Variants in DOCK9 observed in about 807,000 individuals in gnomAD.
DOCK9 encodes the protein dedicator of cytokinesis 9, also known as dedicator of cytokinesis protein 9.
Under a neutral mutation model 263.3 loss-of-function variants are expected in DOCK9, and 89 were observed. That is an observed-to-expected ratio of 0.34 (90% CI 0.28 to 0.40). The LOEUF (loss-of-function observed/expected upper bound fraction) is 0.40, where lower values mean the gene tolerates loss of function less well. Among genes scored for constraint, DOCK9 ranks in the 10% least tolerant of loss-of-function variants. The pLI is 1.00. For synonymous variants in DOCK9, 976 were observed against 973.1 expected (o/e 1.00, Z -0.06); for missense variants, 2,140 against 2,603.4 (o/e 0.82, Z 3.87).
At chr13:98,867,314 C>T in intron 30 of DOCK9, 111 bp downstream of exon 30, 1 of 697,900 alleles carries the variant, frequency 1.4e-6, no homozygotes, top group Non-Finnish European at 2.4e-6. Context: ...ATTAATTCAT[C>T]AATGAAAAAA....
intron 1 of DOCK9, among the ~76,000 whole-genome samples, chr13:99,053,264 C>T (rs1234281951): frequency 6.6e-6 from 1 of 152,182 alleles, no homozygotes; most frequent in East Asian, 1.9e-4. Context: ...GACAAAATTT[C>T]CTAAGCCTAT....
intron 1 of DOCK9, among the ~76,000 whole-genome samples, chr13:99,010,468 C>A (rs1472172875): frequency 6.6e-6 from 1 of 152,230 alleles, no homozygotes; most frequent in Non-Finnish European, 1.5e-5. Flanking sequence ...GCAGTACCTG[C>A]GTGTCCCATG....
At chr13:99,051,906 C>A (rs1292325640) in intron 1 of DOCK9, among the ~76,000 whole-genome samples, 4 of 143,040 alleles carry the variant, frequency 2.8e-5, no homozygotes, top group African/African-American at 7.6e-5. Context: ...TGAATTTCCT[C>A]ATAACAAATT....
intron 1 of DOCK9, among the ~76,000 whole-genome samples, chr13:99,070,616 G>A (rs1447595063): frequency 1.3e-5 from 2 of 152,168 alleles, no homozygotes; most frequent in Non-Finnish European, 2.9e-5. Context: ...TGCTTTATAT[G>A]CAATTGCTCG....
chr13:98,870,165 G>A (rs2094150116), intron 27 of DOCK9, among the ~76,000 whole-genome samples: 1 of 152,174 alleles, frequency 6.6e-6, no homozygotes, highest in South Asian at 2.1e-4. Context: ...ATGACAGCAG[G>A]CATTATATTA....
intron 2 of DOCK9, among the ~76,000 whole-genome samples, chr13:98,941,867 G>T (rs1157945277): frequency 1.3e-5 from 2 of 152,230 alleles, no homozygotes; most frequent in Non-Finnish European, 2.9e-5. Context: ...AGCAATGGAA[G>T]GGCAGTAGCA....
At chr13:98,949,656 A>G (rs1287172100) in intron 2 of DOCK9, 3 of 183,670 alleles carry the variant, frequency 1.6e-5, no homozygotes, top group Non-Finnish European at 3.4e-5. Context: ...GATACTTGAT[A>G]ATAATTCCAA....
At position 98,899,052 on chromosome 13, in the gene DOCK9, A is replaced by ATTT. The variant is rs71683157; in HGVS notation, c.1504-794_1504-792dup. 4.1e-3 allele frequency among the ~76,000 whole-genome samples: 578 copies of ATTT among 140,374 alleles called. 2 individuals carry two copies. Among genetic ancestry groups the ATTT allele is most frequent in the African/African-American group, 0.014 (531 of 38,082 alleles). The allele number at this position is 140,374 out of a possible 152,430, so 92.1% of individuals were successfully genotyped here. A position where few individuals can be genotyped will look rare whatever the true frequency, so the allele number is the denominator to read the frequency against. On this transcript the variant is annotated intron_variant, in intron 13 of 52. Coordinates refer to ENST00000682017, the MANE Select transcript of DOCK9 (RefSeq NM_001366683.2). ...AGTGAAGGGTCTTTTACATTACTTA[A>ATTT]TTTTTTTTTTTTTTTTTTTACTGAA...
At chr13:99,063,145 A>G (rs974946393) in intron 1 of DOCK9, among the ~76,000 whole-genome samples, 8 of 152,244 alleles carry the variant, frequency 5.3e-5, no homozygotes, top group African/African-American at 1.9e-4. Flanking sequence ...GAAACAAAAG[A>G]AAAGAACCAA....
chr13:99,034,640 A>T (rs1887677185), intron 1 of DOCK9, among the ~76,000 whole-genome samples: 1 of 152,168 alleles, frequency 6.6e-6, no homozygotes, highest in African/African-American at 2.4e-5. Flanking sequence ...ACACCGCAGC[A>T]CTCAACGAAC....
intron 1 of DOCK9, among the ~76,000 whole-genome samples, chr13:99,001,185 T>C (rs1244563247): frequency 6.6e-6 from 1 of 152,258 alleles, no homozygotes; most frequent in Non-Finnish European, 1.5e-5. Flanking sequence ...AAAGGGATAA[T>C]TATTTAAATA....
intron 9 of DOCK9, among the ~76,000 whole-genome samples, chr13:98,909,052 T>TC (rs533156145): frequency 3.2e-4 from 49 of 152,294 alleles, no homozygotes; most frequent in Admixed American, 8.5e-4. Flanking sequence ...AACTGGCTTT[T>TC]CCCCAGACAC....
chr13:98,999,290 G>GCACACACA lies in DOCK9; in HGVS notation c.130-43747_130-43740dup, dbSNP rs1217981239. Reference sequence around the variant, plus strand: ...AACAGATGTGTGCACGCATGCACGCGCACACACACACACACACACACACAC... The same window carrying GCACACACA: ...AACAGATGTGTGCACGCATGCACGCGCACACACACACACACACACACACACACACACAC... On this transcript the variant is annotated intron_variant, in intron 1 of 32. Coordinates refer to the DOCK9 transcript ENST00000427887. Among the ~76,000 whole-genome samples the GCACACACA allele has an allele frequency of 2.7e-5, 4 of 145,762 alleles. No individual in the cohort carries two copies. In the East Asian group the frequency reaches 8.0e-4, roughly 29 times the overall value.
intron 9 of DOCK9, among the ~76,000 whole-genome samples, chr13:98,913,151 C>T (rs149209651): frequency 1.3e-5 from 2 of 152,292 alleles, no homozygotes; most frequent in Middle Eastern, 6.8e-3. Context: ...CACTTGAGAA[C>T]AGCCATGTTG....
chr13:98,947,546 T>C (rs1457307511), intron 2 of DOCK9, among the ~76,000 whole-genome samples: 9 of 145,972 alleles, frequency 6.2e-5, no homozygotes, highest in African/African-American at 1.0e-4. Flanking sequence ...TTCACTCTCA[T>C]TGCTTAGGCT....
At chr13:98,960,557 A>C (rs2058520506) in intron 1 of DOCK9, among the ~76,000 whole-genome samples, 1 of 152,174 alleles carries the variant, frequency 6.6e-6, no homozygotes. Flanking sequence ...TCAGTCCACA[A>C]ATAGTCCATA....
At chr13:99,085,182 T>G in intron 1 of DOCK9, among the ~76,000 whole-genome samples, 1 of 152,178 alleles carries the variant, frequency 6.6e-6, no homozygotes, top group East Asian at 1.9e-4. Context: ...TCCGCCCCTG[T>G]GTTAAGGGGC....
chr13:98,973,153 T>C (rs2059906696), intron 1 of DOCK9, among the ~76,000 whole-genome samples: 1 of 152,228 alleles, frequency 6.6e-6, no homozygotes, highest in Non-Finnish European at 1.5e-5. Flanking sequence ...AATATCATTA[T>C]CTTTTTCTAA....
chr13:98,897,643 T>C, intron 14 of DOCK9, 33 bp from the exon 15 acceptor site: 10 of 1,607,072 alleles, frequency 6.2e-6, no homozygotes, highest in African/African-American at 1.3e-5. Flanking sequence ...CTAAACTGGG[T>C]TTCCAAAACA....
Sources: gnomAD v4.1 joint callset for allele counts (sites outside exome capture counted in the v4.1 genomes callset) on GRCh38, gnomAD v4.1.1 for gene constraint, MANE v1.5 for transcripts, NCBI Gene and HGNC (gene_info 2026-07-23, HGNC 2026-07-21) for gene names.